Variants in MAEA observed in about 807,000 individuals in gnomAD.
The protein encoded by MAEA is E3 ubiquitin-protein transferase MAEA.
Under a neutral mutation model 46.2 loss-of-function variants are expected in MAEA, and 22 were observed. That is an observed-to-expected ratio of 0.48 (90% CI 0.34 to 0.68). The LOEUF (loss-of-function observed/expected upper bound fraction) is 0.68, where lower values mean the gene tolerates loss of function less well. Ranked by LOEUF, MAEA falls within the 30% of genes least tolerant of loss-of-function variation. The pLI is 0.01. For synonymous variants in MAEA, 246 were observed against 222.6 expected (o/e 1.11, Z -0.94); for missense variants, 393 against 558.1 (o/e 0.70, Z 2.98).
chr4:1,299,567 C>G (rs1050303409), intron 1 of MAEA: 3 of 152,126 alleles, frequency 2.0e-5, no homozygotes, highest in African/African-American at 4.8e-5. Context: ...AGGGTCGTTA[C>G]AGTGGCTCCC....
intron 1 of MAEA, chr4:1,298,174 G>C: frequency 4.6e-6 from 2 of 433,046 alleles, no homozygotes; most frequent in Non-Finnish European, 9.4e-6. Flanking sequence ...CCGTCCTTGT[G>C]CTCTGCCCGC....
intron 3 of MAEA, among the ~76,000 whole-genome samples, chr4:1,319,500 G>A (rs1029489712): frequency 6.6e-6 from 1 of 152,126 alleles, no homozygotes; most frequent in Non-Finnish European, 1.5e-5. Flanking sequence ...CCCGGACATT[G>A]GAGAAACCCT....
At chr4:1,300,869 G>A (rs988740038) in intron 1 of MAEA, among the ~76,000 whole-genome samples, 5 of 152,194 alleles carry the variant, frequency 3.3e-5, no homozygotes, top group East Asian at 1.9e-4. Flanking sequence ...TAGGGGATTC[G>A]AAGCGTTTTT....
At chr4:1,309,400 C>T (rs1488131375) in intron 1 of MAEA, 3 of 1,260,126 alleles carry the variant, frequency 2.4e-6, no homozygotes, top group Middle Eastern at 3.1e-4. Flanking sequence ...CCCGGAGTCA[C>T]GTGCTGAGTC....
Position 1,339,293 on chromosome 4 carries a change from A to G in MAEA, c.*124A>G. ...TGTTTCTTGCGACCAAAGATCCGTGAGCAACGATAAATACTCTTAGGAAGA... is the reference window on the plus strand; with the variant it reads ...TGTTTCTTGCGACCAAAGATCCGTGGGCAACGATAAATACTCTTAGGAAGA... On this transcript the variant is annotated 3_prime_UTR_variant, in exon 9 of 9. Coordinates refer to ENST00000303400, the MANE Select transcript of MAEA (RefSeq NM_001017405.3). 1.4e-6 allele frequency: 1 copy of G among 696,900 alleles called. No homozygotes were observed. 43.2% of individuals were successfully genotyped at this position (696,900 alleles called of 1,614,324 possible). A position where few individuals can be genotyped will look rare whatever the true frequency, so the allele number is the denominator to read the frequency against.
chr4:1,308,785 G>A (rs532147966), intron 1 of MAEA, among the ~76,000 whole-genome samples: 5 of 152,314 alleles, frequency 3.3e-5, no homozygotes, highest in South Asian at 4.1e-4. Context: ...AGTTGTAGGC[G>A]TTTTTAAAAG....
intron 4 of MAEA, among the ~76,000 whole-genome samples, chr4:1,324,967 C>G (rs1451558008): frequency 1.3e-5 from 2 of 151,954 alleles, no homozygotes. Flanking sequence ...GAAGTCGAGA[C>G]TGGACGGGGC....
In MAEA at chr4:1,323,982, T is replaced by A. The variant is rs186626906; in HGVS notation, c.579+1479T>A. Among the ~76,000 whole-genome samples the A allele has an allele frequency of 6.1e-3, 876 of 144,394 alleles. 8 individuals carry two copies. The highest frequency in any genetic ancestry group is 0.022 in the African/African-American group (834 of 38,444). 94.7% of individuals were successfully genotyped at this position (144,394 alleles called of 152,430 possible). ...TAAGTTGAGATTGGGTGAGCATGCC[T>A]TGTGTTGGATGAGTTGAGATTGGAT... On this transcript the variant is annotated intron_variant, in intron 4 of 8. Coordinates refer to ENST00000303400, the MANE Select transcript of MAEA (RefSeq NM_001017405.3).
intron 1 of MAEA, among the ~76,000 whole-genome samples, chr4:1,299,083 T>C (rs1370826518): frequency 6.6e-6 from 1 of 152,076 alleles, no homozygotes; most frequent in East Asian, 1.9e-4. Flanking sequence ...CTAGCTCCGT[T>C]GTCTAGGCTG....
chr4:1,321,880 T>TG (rs1366638535), intron 3 of MAEA, among the ~76,000 whole-genome samples: 2 of 151,874 alleles, frequency 1.3e-5, no homozygotes, highest in African/African-American at 2.4e-5. Flanking sequence ...GTTGTTTTTT[T>TG]TTTTTTTCTT....
At chr4:1,308,815 C>G (rs925470358) in intron 1 of MAEA, among the ~76,000 whole-genome samples, 8 of 152,328 alleles carry the variant, frequency 5.3e-5, no homozygotes, top group Middle Eastern at 3.4e-3. Context: ...GATAGTAGCT[C>G]CATATGCAGA....
rs1325829325 is a variant in MAEA, at chr4:1,311,147, A to G, written c.70-832A>G. 6.6e-6 allele frequency among the ~76,000 whole-genome samples: 1 copy of G among 152,210 alleles called. No homozygotes were observed. Among genetic ancestry groups the G allele is most frequent in the African/African-American group, 2.4e-5 (1 of 41,456 alleles). ...CAGCTGCGACGGCAGAGTTGGGCCC[A>G]CTGCTCTTGGGCGGCAGCACGGCCG... On this transcript the variant is annotated intron_variant, in intron 1 of 8. Coordinates refer to ENST00000303400, the MANE Select transcript of MAEA (RefSeq NM_001017405.3). This position sits in a 1 kb window ranked among gnomAD's most constrained non-coding sequence, Gnocchi z 4.4.
intron 5 of MAEA, chr4:1,328,638 C>A: frequency 7.9e-7 from 1 of 1,267,882 alleles, no homozygotes; most frequent in Non-Finnish European, 1.0e-6. Context: ...CTGCAGTGGG[C>A]CGGGTGGCCG....
chr4:1,309,510 G>A, intron 1 of MAEA: 1 of 1,352,600 alleles, frequency 7.4e-7, no homozygotes, highest in Non-Finnish European at 9.6e-7. Context: ...CTGCCCTGCT[G>A]GAGGGAGAGG....
chr4:1,321,861 G>GGTT (rs1738157516), intron 3 of MAEA, among the ~76,000 whole-genome samples: 1 of 134,864 alleles, frequency 7.4e-6, no homozygotes, highest in African/African-American at 3.0e-5. Flanking sequence ...GGGTTACTCT[G>GGTT]TTTTTTTTGT....
chr4:1,323,812 C>T (rs1485082619), intron 4 of MAEA, among the ~76,000 whole-genome samples: 8 of 152,226 alleles, frequency 5.3e-5, no homozygotes, highest in African/African-American at 1.4e-4. Context: ...AGGCTTGCCA[C>T]GAGCACACGA....
chr4:1,309,885 C>T, intron 1 of MAEA: 1 of 1,308,058 alleles, frequency 7.6e-7, no homozygotes, highest in South Asian at 2.3e-5. Context: ...GGCGGACGGC[C>T]CGGCAGGGGT....
At chr4:1,294,274 C>T (rs796152367) in intron 1 of MAEA, among the ~76,000 whole-genome samples, 53 of 152,228 alleles carry the variant, frequency 3.5e-4, no homozygotes, top group African/African-American at 1.1e-3. Context: ...CTGGCTTCCG[C>T]GGCCTCCGCG....
Position 1,322,357 on chromosome 4 carries a change from C to T in MAEA, c.457-24C>T, listed in dbSNP as rs756995340. On this transcript the variant is annotated intron_variant, in intron 3 of 8. Transcript: ENST00000303400. ...GGGCCTTGAGCCAGCACATTCTGAT[C>T]AGGTGCTGCTTCCTTCCTCTAAGGA... 29 of 1,612,496 alleles carry T rather than the reference C, an allele frequency of 1.8e-5. 1 individual carries two copies. The South Asian group carries it at 3.2e-4, about 18-fold the overall frequency.
Sources: allele counts gnomAD v4.1 joint callset (sites outside exome capture counted in the v4.1 genomes callset), GRCh38; gene constraint gnomAD v4.1.1; non-coding constraint Gnocchi (gnomAD v3.1); transcripts MANE v1.5; gene names NCBI Gene and HGNC (gene_info 2026-07-23, HGNC 2026-07-21).